The following FOXP1 variants were observed in gnomAD, a reference collection of about 807,000 sequenced individuals.
The protein encoded by FOXP1 is forkhead box P1.
A neutral mutation model predicts 98.2 loss-of-function variants in FOXP1; 15 were observed. That is an observed-to-expected ratio of 0.15 (90% CI 0.10 to 0.24). The LOEUF (loss-of-function observed/expected upper bound fraction) is 0.24, where lower values mean the gene tolerates loss of function less well. Among genes scored for constraint, FOXP1 ranks in the 10% least tolerant of loss-of-function variants. FOXP1 has a pLI of 1.00. For missense variants in FOXP1, 633 were observed against 848.5 expected, an observed-to-expected ratio of 0.75 and a Z score of 3.15; for synonymous variants, 371 against 314.5, an observed-to-expected ratio of 1.18 and a Z score of -1.90.
chr3:71,283,727 T>C (rs1056981107), intron 5 of FOXP1, among the ~76,000 whole-genome samples: 2 of 152,182 alleles, frequency 1.3e-5, no homozygotes, highest in Admixed American at 6.5e-5. Context: ...AGCCTTTTGG[T>C]TTTTTTATGT....
intron 6 of FOXP1, among the ~76,000 whole-genome samples, chr3:71,126,108 A>T (rs572367288): frequency 1.3e-5 from 2 of 152,248 alleles, no homozygotes; most frequent in Non-Finnish European, 2.9e-5. Flanking sequence ...TGTAAAATGT[A>T]TACATGAATT....
chr3:71,495,300 G>C (rs866093562), intron 2 of FOXP1, among the ~76,000 whole-genome samples: 1 of 152,204 alleles, frequency 6.6e-6, no homozygotes, highest in Admixed American at 6.5e-5. Flanking sequence ...TAGGTTCCAA[G>C]TTAGTCTCAA....
intron 5 of FOXP1, among the ~76,000 whole-genome samples, chr3:71,242,764 G>GAA (rs56035810): frequency 7.1e-6 from 1 of 140,310 alleles, no homozygotes; most frequent in African/African-American, 2.6e-5. Flanking sequence ...GCCCAAAAAG[G>GAA]AAAAAAAAAA....
intron 2 of FOXP1, chr3:71,572,863 T>C (rs2047441998): frequency 6.6e-6 from 1 of 152,226 alleles, no homozygotes; most frequent in Admixed American, 6.5e-5. Flanking sequence ...TGGAAACATA[T>C]AAGCATACAG....
chr3:71,208,536 T>TTCTGCGTGTGTG (rs10529764), intron 5 of FOXP1, among the ~76,000 whole-genome samples: 1 of 149,346 alleles, frequency 6.7e-6, no homozygotes, highest in Admixed American at 6.7e-5. Context: ...GCATTTAAGT[T>TTCTGCGTGTGTG]TGTGTGTGTG....
intron 5 of FOXP1, among the ~76,000 whole-genome samples, chr3:71,213,567 A>G (rs373819368): frequency 1.6e-4 from 25 of 152,224 alleles, no homozygotes; most frequent in African/African-American, 6.0e-4. Context: ...CTGTAATCCC[A>G]GCACTTTTGA....
chr3:71,371,822 CT>C (rs1288236622), intron 3 of FOXP1, among the ~76,000 whole-genome samples: 1 of 152,022 alleles, frequency 6.6e-6, no homozygotes, highest in Non-Finnish European at 1.5e-5. Flanking sequence ...TGCTGACCCC[CT>C]AACCTCTCCC....
At chr3:71,158,121 G>C (rs183289206) in intron 6 of FOXP1, among the ~76,000 whole-genome samples, 411 of 14,764 alleles carry the variant, frequency 0.028, 10 homozygotes, top group African/African-American at 0.047. Flanking sequence ...GGGAGGGAGG[G>C]AGGGAGGGAG....
Position 71,098,887 on chromosome 3 carries a change from CTG to C in FOXP1, c.282+13647_282+13648del, listed in dbSNP as rs1258628675. On this transcript the variant is annotated intron_variant, in intron 7 of 20. Coordinates refer to ENST00000649528, the MANE Select transcript of FOXP1 (RefSeq NM_001349338.3). Reference sequence around the variant, plus strand: ...TAAAGTGACACATTTAGGAAAAACACTGTGCAATCAAAATAATGCTGCTAAAA... The same window carrying C: ...TAAAGTGACACATTTAGGAAAAACACTGCAATCAAAATAATGCTGCTAAAA... 2.0e-5 allele frequency among the ~76,000 whole-genome samples: 3 copies of C among 152,322 alleles called. No homozygotes were observed. In the East Asian group the frequency reaches 5.8e-4, roughly 29 times the overall value.
intron 19 of FOXP1, 52 bp from the exon 20 acceptor site, chr3:70,966,108 G>T: frequency 1.4e-6 from 2 of 1,456,386 alleles, no homozygotes; most frequent in Non-Finnish European, 1.9e-6. Context: ...GTAAGACAAG[G>T]AAACTACTAA....
At chr3:71,511,949 T>C (rs1305062725) in intron 2 of FOXP1, among the ~76,000 whole-genome samples, 5 of 151,988 alleles carry the variant, frequency 3.3e-5, no homozygotes, top group African/African-American at 7.3e-5. Flanking sequence ...CAGGTAGGAG[T>C]TGACGGAACT....
chr3:71,122,910 G>A lies in FOXP1; in HGVS notation c.181-10273C>T, dbSNP rs548177094. Among the ~76,000 whole-genome samples, 7 of 152,202 alleles carry A rather than the reference G, an allele frequency of 4.6e-5. No individual in the cohort carries two copies. In the South Asian group the frequency reaches 1.2e-3, roughly 27 times the overall value. On this transcript the variant is annotated intron_variant, in intron 6 of 20. Transcript: ENST00000649528. ...TTGGCAAATGGCTATGCAGACCTCCGGAGCTAAAAATGCATGACTGACTGT... is the reference window on the plus strand; with the variant it reads ...TTGGCAAATGGCTATGCAGACCTCCAGAGCTAAAAATGCATGACTGACTGT...
chr3:71,113,243 T>C (rs559125903), intron 6 of FOXP1, among the ~76,000 whole-genome samples: 123 of 152,306 alleles, frequency 8.1e-4, no homozygotes, highest in Non-Finnish European at 1.5e-3. Flanking sequence ...TCTCTAGTCA[T>C]CTTAAAGAGG....
intron 2 of FOXP1, among the ~76,000 whole-genome samples, chr3:71,503,788 C>T (rs1313583097): frequency 2.6e-5 from 4 of 152,176 alleles, no homozygotes; most frequent in South Asian, 2.1e-4. Context: ...ACAGAACATA[C>T]AGGCATCAGA....
chr3:71,064,793 A>T, intron 7 of FOXP1: 1 of 984,784 alleles, frequency 1.0e-6, no homozygotes, highest in Non-Finnish European at 1.2e-6. Context: ...AAGGAGAGCG[A>T]AACCGGCAAA....
intron 3 of FOXP1, among the ~76,000 whole-genome samples, chr3:71,484,656 G>C (rs193280671): frequency 6.6e-6 from 1 of 152,126 alleles, no homozygotes; most frequent in East Asian, 1.9e-4. Flanking sequence ...TGACATGGTC[G>C]GGGTTACGGT....
At chr3:71,021,431 C>A (rs2045419744) in intron 11 of FOXP1, among the ~76,000 whole-genome samples, 1 of 152,196 alleles carries the variant, frequency 6.6e-6, no homozygotes, top group Non-Finnish European at 1.5e-5. Flanking sequence ...GCACATTTAT[C>A]CATTCATCTG....
intron 4 of FOXP1, among the ~76,000 whole-genome samples, chr3:71,335,979 C>T (rs1176102329): frequency 2.3e-5 from 3 of 130,224 alleles, no homozygotes; most frequent in African/African-American, 8.6e-5. Context: ...CATTGCACTC[C>T]AGCCTGGGCA....
intron 5 of FOXP1, among the ~76,000 whole-genome samples, chr3:71,269,153 T>C (rs145540851): frequency 6.6e-6 from 1 of 150,548 alleles, no homozygotes; most frequent in East Asian, 2.0e-4. Context: ...ACTTCAACTC[T>C]CAGTCTGGAA....
Sources: allele counts gnomAD v4.1 joint callset (sites outside exome capture counted in the v4.1 genomes callset), GRCh38; gene constraint gnomAD v4.1.1; transcripts MANE v1.5; gene names NCBI Gene and HGNC (gene_info 2026-07-23, HGNC 2026-07-21).